Variants in PHF11 observed in about 807,000 individuals in gnomAD.
PHF11 encodes the protein BRCA1 C-terminus-associated protein.
In PHF11, 38 loss-of-function variants were observed where a neutral mutation model predicts 40.5. That is an observed-to-expected ratio of 0.94 (90% CI 0.72 to 1.23). PHF11 has a LOEUF of 1.23. PHF11 is among the 50% of genes most tolerant of loss of function. The pLI, the probability that PHF11 is intolerant of heterozygous loss-of-function variation, is 0.00. For synonymous variants in PHF11, 127 were observed against 138.2 expected, an observed-to-expected ratio of 0.92 and a Z score of 0.57; for missense variants, 369 against 392.4, an observed-to-expected ratio of 0.94 and a Z score of 0.50.
At chr13:49,520,293 C>T (rs1199888000) in intron 4 of PHF11, among the ~76,000 whole-genome samples, 2 of 152,112 alleles carry the variant, frequency 1.3e-5, no homozygotes, top group African/African-American at 2.4e-5. Context: ...GTGATCTGCC[C>T]GCCTCGGCCT....
chr13:49,506,325 G>A (rs112512880), intron 1 of PHF11, among the ~76,000 whole-genome samples: 2,811 of 151,948 alleles, frequency 0.018, 97 homozygotes, highest in African/African-American at 0.062. Context: ...GGAGTTCAAG[G>A]CTGCAGTGAG....
At position 49,520,342 on chromosome 13, in the gene PHF11, C is replaced by T. The variant is rs536360303; in HGVS notation, c.459-552C>T. Among the ~76,000 whole-genome samples the T allele has an allele frequency of 9.8e-5, 15 of 152,326 alleles. No individual in the cohort carries two copies. The South Asian group carries it at 1.7e-3, about 17-fold the overall frequency. The stretch of plus-strand genomic sequence containing the variant: ...GATTACAGGCATGAGCCACCGTGCC[C>T]GGCCTCACTTCATTTCTTCATCATA... On this transcript the variant is annotated intron_variant, in intron 4 of 9. Coordinates refer to ENST00000378319, the MANE Select transcript of PHF11 (RefSeq NM_001040443.3).
At chr13:49,508,560 C>CT (rs957975045) in intron 2 of PHF11, among the ~76,000 whole-genome samples, 8 of 151,148 alleles carry the variant, frequency 5.3e-5, no homozygotes, top group African/African-American at 1.9e-4. Flanking sequence ...TGTTTTGTTA[C>CT]TTTTTTCTAA....
intron 4 of PHF11, 106 bp from the exon 5 acceptor site, chr13:49,520,788 C>T: frequency 2.7e-6 from 2 of 739,414 alleles, no homozygotes; most frequent in Non-Finnish European, 4.2e-6. Context: ...TAGTGTGACG[C>T]CGTCATGAAA....
rs547330746 is a variant in PHF11 at position 49,520,940 on chromosome 13, G to A, written c.505G>A (p.Ala169Thr). 15 of 1,576,142 alleles carry A rather than the reference G, an allele frequency of 9.5e-6. No homozygotes were observed. In the South Asian group the frequency reaches 1.7e-4, roughly 18 times the overall value. ...HAQFPIIAQS[A>T]KFSGVKRKRG... is the part of the protein sequence containing the mutation. ...TCAATTCCCGATCATCGCTCAAAGTGGTAAGTTTCTAAAATTTAGCACTGT... is the reference window on the plus strand; with the variant it reads ...TCAATTCCCGATCATCGCTCAAAGTAGTAAGTTTCTAAAATTTAGCACTGT... Residue 169 changes from alanine to threonine, a missense_variant and splice_region_variant, in exon 5 of 10, where the codon GCT becomes ACT. Ala to Thr is a moderately conservative substitution (Grantham distance 58). Transcript: ENST00000378319.
intron 3 of PHF11, among the ~76,000 whole-genome samples, chr13:49,516,624 G>A (rs1012391525): frequency 6.6e-6 from 1 of 151,362 alleles, no homozygotes; most frequent in Admixed American, 6.6e-5. Context: ...CAGATTCTCC[G>A]TCTGTCGCCC....
At chr13:49,501,865 A>G (rs1958913474) in intron 1 of PHF11, among the ~76,000 whole-genome samples, 1 of 151,918 alleles carries the variant, frequency 6.6e-6, no homozygotes, top group Admixed American at 6.6e-5. Flanking sequence ...TAATTTTTGT[A>G]ATTTTAGTAG....
At chr13:49,503,620 A>G (rs546174326) in intron 1 of PHF11, among the ~76,000 whole-genome samples, 1 of 152,350 alleles carries the variant, frequency 6.6e-6, no homozygotes, top group African/African-American at 2.4e-5. Flanking sequence ...GTACAAAAGA[A>G]TGAATAACTT....
rs1594226571 is a variant in PHF11 at position 49,526,451 on chromosome 13, T to G, written c.834T>G (p.Phe278Leu). The G allele has an allele frequency of 1.9e-6, 3 of 1,586,640 alleles. No homozygotes were observed. The highest frequency in any genetic ancestry group is 1.7e-5 in the Admixed American group (1 of 59,974). Reference protein sequence around the residue: ...CRLFEDTFVNFQAAIEKKIHA... With the variant: ...CRLFEDTFVNLQAAIEKKIHA... ...TGTTCGAAGACACATTTGTAAATTT[T>G]CAAGCAGGTATATGAGTTATATAAC... The change falls in exon 9 of 10, where the codon TTT becomes TTG. Residue 278 changes from phenylalanine to leucine, a missense_variant. By Grantham distance (22) the Phe-to-Leu change is conservative. Coordinates refer to ENST00000378319, the MANE Select transcript of PHF11 (RefSeq NM_001040443.3).
intron 1 of PHF11, among the ~76,000 whole-genome samples, chr13:49,497,474 G>A (rs1394892627): frequency 3.9e-5 from 6 of 152,082 alleles, no homozygotes; most frequent in Non-Finnish European, 7.4e-5. Context: ...TGCATCAGTC[G>A]GGCCAGCCAG....
At chr13:49,499,175 C>A (rs1341000403) in intron 1 of PHF11, among the ~76,000 whole-genome samples, 1 of 152,218 alleles carries the variant, frequency 6.6e-6, no homozygotes, top group Non-Finnish European at 1.5e-5. Context: ...AAGATGGCTG[C>A]CCTTGCAGCC....
At position 49,520,941 on chromosome 13, in the gene PHF11, GTAAGTTTC is replaced by G. The variant is rs1246336551; in HGVS notation, c.505+5_505+12del. 6.3e-7 allele frequency: 1 copy of G among 1,575,200 alleles called. No homozygotes were observed. On this transcript the variant is annotated splice_donor_variant and splice_donor_5th_base_variant and intron_variant, in intron 5 of 9. Transcript: ENST00000378319. LOFTEE classifies it high-confidence loss of function. ...CAATTCCCGATCATCGCTCAAAGTG[GTAAGTTTC>G]TAAAATTTAGCACTGTGGGTTTTAA... is the stretch of plus-strand genomic sequence containing the variant.
chr13:49,506,854 G>A, intron 2 of PHF11, 98 bp downstream of exon 2: 1 of 568,844 alleles, frequency 1.8e-6, no homozygotes, highest in Non-Finnish European at 2.7e-6. Context: ...AGAATAACAA[G>A]TTGGCCATGG....
chr13:49,500,467 A>G (rs1465061382), intron 1 of PHF11, among the ~76,000 whole-genome samples: 5 of 152,184 alleles, frequency 3.3e-5, no homozygotes, highest in Non-Finnish European at 7.3e-5. Flanking sequence ...ATAGTGAGAG[A>G]TGCCTGTCTG....
chr13:49,524,402 T>G (rs766119486), intron 8 of PHF11, among the ~76,000 whole-genome samples, 186 bp downstream of exon 8: 31 of 152,174 alleles, frequency 2.0e-4, no homozygotes, highest in Non-Finnish European at 5.9e-5. Context: ...AATAATCCCA[T>G]TCAAATAAAC....
chr13:49,515,035 C>A (rs1012579974), intron 3 of PHF11, among the ~76,000 whole-genome samples: 2 of 152,036 alleles, frequency 1.3e-5, no homozygotes. Context: ...TATGAAGAGA[C>A]CCAGGCTGAG....
At chr13:49,508,859 T>C (rs1046088900) in intron 2 of PHF11, among the ~76,000 whole-genome samples, 3 of 152,188 alleles carry the variant, frequency 2.0e-5, no homozygotes, top group Non-Finnish European at 4.4e-5. Context: ...CTGATATTAA[T>C]GGGATGCTCC....
rs1440895453 is a variant in PHF11, at chr13:49,497,228, G to A, written c.94+1133G>A. 3.1e-6 allele frequency: 4 copies of A among 1,281,838 alleles called. No individual in the cohort carries two copies. In the South Asian group the frequency reaches 4.9e-5, roughly 16 times the overall value. The allele number at this position is 1,281,838 out of a possible 1,614,324, so 79.4% of individuals were successfully genotyped here. On this transcript the variant is annotated intron_variant, in intron 1 of 9. Coordinates refer to ENST00000378319, the MANE Select transcript of PHF11 (RefSeq NM_001040443.3). ...CATATGGACTGTAAGGTAAGTCACG[G>A]GAGATGCGCTTCCATCCTGACCTCT...
At chr13:49,523,725 TC>T (rs1192980322) in intron 7 of PHF11, 1 of 205,818 alleles carries the variant, frequency 4.9e-6, no homozygotes, top group African/African-American at 2.4e-5. Flanking sequence ...TGCACCAACA[TC>T]TCAGAAATCA....
Sources: gnomAD v4.1 joint callset for allele counts (sites outside exome capture counted in the v4.1 genomes callset) on GRCh38, gnomAD v4.1.1 for gene constraint, MANE v1.5 for transcripts, NCBI Gene and HGNC (gene_info 2026-07-23, HGNC 2026-07-21) for gene names.